Variants in SCML4 observed in about 807,000 individuals in gnomAD.
SCML4 encodes the protein sex comb on midleg-like protein 4.
SCML4 carries 34 observed loss-of-function variants against 41.1 expected under a neutral mutation model. The observed-to-expected ratio is 0.83, with a 90% CI of 0.63 to 1.10. SCML4 has a LOEUF of 1.10. SCML4 is among the 50% of genes least tolerant of loss of function. The pLI is 0.00. For missense variants in SCML4, 522 were observed against 534.1 expected (o/e 0.98, Z 0.22); for synonymous variants, 214 against 220.9 (o/e 0.97, Z 0.28).
chr6:107,736,187 CAGG>C (rs1777052837), intron 5 of SCML4, among the ~76,000 whole-genome samples: 1 of 152,164 alleles, frequency 6.6e-6, no homozygotes, highest in South Asian at 2.1e-4. Context: ...GCAGGAAACC[CAGG>C]AGGAGAAGAG....
chr6:107,796,106 T>C (rs1782690059), intron 1 of SCML4, among the ~76,000 whole-genome samples: 1 of 152,108 alleles, frequency 6.6e-6, no homozygotes, highest in Non-Finnish European at 1.5e-5. Flanking sequence ...TTTCCAGTTT[T>C]AAGCTATTTT....
At chr6:107,740,421 G>T (rs1040567503) in intron 5 of SCML4, among the ~76,000 whole-genome samples, 1 of 152,210 alleles carries the variant, frequency 6.6e-6, no homozygotes, top group Non-Finnish European at 1.5e-5. Flanking sequence ...CACATGAATA[G>T]CTTGAGATCT....
intron 1 of SCML4, among the ~76,000 whole-genome samples, chr6:107,807,648 A>T (rs922120365): frequency 2.6e-5 from 4 of 152,222 alleles, no homozygotes; most frequent in African/African-American, 9.7e-5. Context: ...TATTAGCACA[A>T]TTCCCTGTAG....
intron 1 of SCML4, among the ~76,000 whole-genome samples, chr6:107,789,104 C>T (rs1234832101): frequency 1.3e-5 from 2 of 152,324 alleles, no homozygotes; most frequent in South Asian, 2.1e-4. Flanking sequence ...CACTCTTACA[C>T]AGCCTGTTGG....
At chr6:107,725,639 G>A (rs1775882816) in intron 5 of SCML4, among the ~76,000 whole-genome samples, 1 of 152,166 alleles carries the variant, frequency 6.6e-6, no homozygotes, top group Admixed American at 6.5e-5. Context: ...AAATGTAAAT[G>A]TAAGAGCAAA....
chr6:107,726,723 C>G (rs1429061455), intron 5 of SCML4, among the ~76,000 whole-genome samples: 1 of 152,082 alleles, frequency 6.6e-6, no homozygotes, highest in Non-Finnish European at 1.5e-5. Context: ...TTCACACCCA[C>G]TAGGAAGGTG....
At chr6:107,813,552 T>C (rs551212750) in intron 1 of SCML4, among the ~76,000 whole-genome samples, 2 of 151,392 alleles carry the variant, frequency 1.3e-5, no homozygotes, top group African/African-American at 4.8e-5. Context: ...GAACAAAACT[T>C]CTCTCTCTCA....
intron 5 of SCML4, among the ~76,000 whole-genome samples, chr6:107,728,136 T>C (rs939150623): frequency 6.6e-6 from 1 of 152,268 alleles, no homozygotes; most frequent in East Asian, 1.9e-4. Context: ...ACACTGCTTA[T>C]TGAACACTTT....
At chr6:107,774,206 T>A (rs6939731) in intron 1 of SCML4, among the ~76,000 whole-genome samples, 1 of 151,980 alleles carries the variant, frequency 6.6e-6, no homozygotes, top group Non-Finnish European at 1.5e-5. Flanking sequence ...AGAAAAATAC[T>A]CGGTCTCATT....
At chr6:107,752,793 C>T (rs755010671) in intron 2 of SCML4, among the ~76,000 whole-genome samples, 1 of 151,690 alleles carries the variant, frequency 6.6e-6, no homozygotes, top group Non-Finnish European at 1.5e-5. Context: ...TAATGGCCAG[C>T]GGGGGTGGGG....
At chr6:107,775,290 A>G (rs1012496248) in intron 1 of SCML4, among the ~76,000 whole-genome samples, 1 of 152,188 alleles carries the variant, frequency 6.6e-6, no homozygotes, top group Non-Finnish European at 1.5e-5. Context: ...TTCCTCAGTT[A>G]ACTCAAGGAA....
chr6:107,820,763 A>G (rs1388775658), intron 1 of SCML4, among the ~76,000 whole-genome samples: 5 of 152,368 alleles, frequency 3.3e-5, no homozygotes, highest in South Asian at 2.1e-4. Flanking sequence ...ACAGCGATTT[A>G]CAGCAGAGAC....
rs1039589612 is a variant in SCML4 at position 107,702,278 on chromosome 6, C to T, written c.*2922G>A. On this transcript the variant is annotated 3_prime_UTR_variant, in exon 8 of 8. Transcript: ENST00000369020. ...TTAATGCAAAATGAGATAGCACCTC[C>T]GCGAGAGAAGTTCCACGTGAACATG... 4.6e-5 allele frequency among the ~76,000 whole-genome samples: 7 copies of T among 152,166 alleles called. No homozygotes were observed. The highest frequency in any genetic ancestry group is 1.3e-4 in the Admixed American group (2 of 15,278).
At chr6:107,765,415 C>A (rs942098801) in intron 2 of SCML4, among the ~76,000 whole-genome samples, 1 of 152,120 alleles carries the variant, frequency 6.6e-6, no homozygotes, top group Non-Finnish European at 1.5e-5. Context: ...TTAAACACAG[C>A]CCTTATTAAA....
At position 107,703,652 on chromosome 6, in the gene SCML4, G is replaced by T. The variant is rs1027576089; in HGVS notation, c.*1548C>A. 6.6e-6 allele frequency among the ~76,000 whole-genome samples: 1 copy of T among 152,200 alleles called. No individual in the cohort carries two copies. Among genetic ancestry groups the T allele is most frequent in the Non-Finnish European group, 1.5e-5 (1 of 68,038 alleles). ...CGGCAGCTGATCAAGCGGTGAGGAG[G>T]TTGAGCCCCCACCCTGCTCCACTTG... On this transcript the variant is annotated 3_prime_UTR_variant, in exon 8 of 8. Transcript: ENST00000369020.
At position 107,704,599 on chromosome 6, in the gene SCML4, C is replaced by T. The variant is rs961942878; in HGVS notation, c.*601G>A. ...CCTGAAATTTCATTAGCAGTCTGCC[C>T]TCTAGCGGAGAAACACAGTACTTCA... On this transcript the variant is annotated 3_prime_UTR_variant, in exon 8 of 8. Transcript: ENST00000369020. 6.4e-6 allele frequency: 1 copy of T among 157,058 alleles called. No individual in the cohort carries two copies. Among genetic ancestry groups the T allele is most frequent in the African/African-American group, 2.4e-5 (1 of 41,472 alleles). The allele number at this position is 157,058 out of a possible 1,614,324, so 9.7% of individuals were successfully genotyped here. A position where few individuals can be genotyped will look rare whatever the true frequency, so the allele number is the denominator to read the frequency against.
chr6:107,767,421 G>A (rs947973170), intron 2 of SCML4, among the ~76,000 whole-genome samples: 4 of 152,126 alleles, frequency 2.6e-5, no homozygotes, highest in African/African-American at 9.7e-5. Context: ...ACTTAAGTTT[G>A]AATACTCAAG....
At chr6:107,825,397 T>G (rs1378715514), upstream of SCML4, among the ~76,000 whole-genome samples, 1 of 152,230 alleles carries the variant, frequency 6.6e-6, no homozygotes, top group Non-Finnish European at 1.5e-5. Flanking sequence ...GAGGTTTCTC[T>G]AAATATATGT....
intron 2 of SCML4, among the ~76,000 whole-genome samples, chr6:107,760,917 C>G (rs1779530841): frequency 6.6e-6 from 1 of 151,746 alleles, no homozygotes; most frequent in African/African-American, 2.4e-5. Context: ...GAAAAAGAAG[C>G]AAATTGAATT....
Sources: allele counts gnomAD v4.1 joint callset (sites outside exome capture counted in the v4.1 genomes callset), GRCh38; gene constraint gnomAD v4.1.1; transcripts MANE v1.5; gene names NCBI Gene and HGNC (gene_info 2026-07-23, HGNC 2026-07-21).